Variants in RBMS3 observed in about 807,000 individuals in gnomAD.
RBMS3 encodes RNA-binding motif, single-stranded-interacting protein 3.
RBMS3 carries 27 observed loss-of-function variants against 66.8 expected under a neutral mutation model. That is an observed-to-expected ratio of 0.40 (90% CI 0.30 to 0.56). The LOEUF (loss-of-function observed/expected upper bound fraction) is 0.56, where lower values mean the gene tolerates loss of function less well. Among genes scored for constraint, RBMS3 ranks in the 20% least tolerant of loss-of-function variants. The pLI is 0.40. For missense variants in RBMS3, 513 were observed against 549.5 expected, an observed-to-expected ratio of 0.93 and a Z score of 0.66; for synonymous variants, 188 against 183.0, an observed-to-expected ratio of 1.03 and a Z score of -0.22.
chr3:29,521,975 G>T lies in RBMS3; in HGVS notation c.307+33476G>T, dbSNP rs150193333. On this transcript the variant is annotated intron_variant, in intron 3 of 14. Transcript: ENST00000383767. ...TTATTTAATTTGGTTTGGCCATGCA[G>T]TCAGTTTGGAATGTTCTTTATCTTC... Among the ~76,000 whole-genome samples the T allele has an allele frequency of 7.2e-3, 1,091 of 152,324 alleles. 9 individuals are homozygous for T. Among genetic ancestry groups the T allele is most frequent in the South Asian group, 0.036 (172 of 4,826 alleles).
At chr3:29,928,481 T>G (rs1281681883) in intron 10 of RBMS3, among the ~76,000 whole-genome samples, 1 of 151,956 alleles carries the variant, frequency 6.6e-6, no homozygotes, top group African/African-American at 2.4e-5. Flanking sequence ...TGTTTTTGAT[T>G]CCTTTAAATA....
intron 1 of RBMS3, among the ~76,000 whole-genome samples, chr3:29,343,710 A>G (rs1000554015): frequency 2.6e-5 from 4 of 152,208 alleles, no homozygotes; most frequent in Non-Finnish European, 5.9e-5. Flanking sequence ...ATTGTCCACT[A>G]GAAAACAGTT....
chr3:29,828,253 C>T (rs1576927598), intron 6 of RBMS3, among the ~76,000 whole-genome samples: 1 of 152,170 alleles, frequency 6.6e-6, no homozygotes, highest in Non-Finnish European at 1.5e-5. Context: ...AGACTCCTCT[C>T]TCCGTCTGGT....
chr3:29,498,012 G>GTTTTT (rs1457527325), intron 3 of RBMS3, among the ~76,000 whole-genome samples: 1 of 83,686 alleles, frequency 1.2e-5, no homozygotes, highest in African/African-American at 4.7e-5. Flanking sequence ...TTTTTTTTTG[G>GTTTTT]GAGACAGAGT....
At chr3:29,527,501 G>A (rs181138485) in intron 3 of RBMS3, among the ~76,000 whole-genome samples, 1 of 152,296 alleles carries the variant, frequency 6.6e-6, no homozygotes, top group Non-Finnish European at 1.5e-5. Flanking sequence ...GGCTCAGTAT[G>A]TATGAGGCAT....
chr3:29,464,827 G>A (rs1181059728), intron 2 of RBMS3, among the ~76,000 whole-genome samples: 1 of 152,162 alleles, frequency 6.6e-6, no homozygotes, highest in Non-Finnish European at 1.5e-5. Context: ...ATCCATGACT[G>A]CCTTTGTTCC....
chr3:29,702,393 G>A (rs532324405), intron 4 of RBMS3, among the ~76,000 whole-genome samples: 1 of 152,248 alleles, frequency 6.6e-6, no homozygotes, highest in East Asian at 1.9e-4. Context: ...AGACCAATCA[G>A]GTCTCTGTAA....
intron 12 of RBMS3, among the ~76,000 whole-genome samples, chr3:29,967,134 T>A (rs1371721230): frequency 2.6e-5 from 4 of 152,180 alleles, no homozygotes; most frequent in Non-Finnish European, 5.9e-5. Context: ...TCATCAAGGA[T>A]ATCAGTCTGT....
At chr3:29,450,995 T>G (rs2042000463) in intron 2 of RBMS3, among the ~76,000 whole-genome samples, 1 of 151,998 alleles carries the variant, frequency 6.6e-6, no homozygotes, top group African/African-American at 2.4e-5. Flanking sequence ...GAGCTGTAAT[T>G]TCCTCAAAGG....
chr3:29,501,853 C>T (rs902784921), intron 3 of RBMS3, among the ~76,000 whole-genome samples: 9 of 152,040 alleles, frequency 5.9e-5, no homozygotes, highest in African/African-American at 1.9e-4. Flanking sequence ...CCAGGAGAGA[C>T]GCCCTACTTA....
At chr3:29,486,574 AG>A (rs2043328671) in intron 2 of RBMS3, among the ~76,000 whole-genome samples, 1 of 152,192 alleles carries the variant, frequency 6.6e-6, no homozygotes, top group South Asian at 2.1e-4. Flanking sequence ...TTTATAAAAA[AG>A]TTACTTGTCA....
chr3:29,938,494 G>A (rs116460120), intron 11 of RBMS3, among the ~76,000 whole-genome samples: 1,999 of 151,998 alleles, frequency 0.013, 46 homozygotes, highest in African/African-American at 0.044. Flanking sequence ...TTTAGAAGAG[G>A]TAGAGAGAAA....
intron 4 of RBMS3, 115 bp downstream of exon 4, chr3:29,587,320 T>C (rs1042059955): frequency 1.1e-4 from 57 of 540,648 alleles, no homozygotes; most frequent in African/African-American, 4.6e-4. Context: ...GAAGGAGAGA[T>C]TAAATATTTC....
chr3:29,987,525 T>TAA (rs1368012784), intron 12 of RBMS3, among the ~76,000 whole-genome samples: 2 of 152,188 alleles, frequency 1.3e-5, no homozygotes, highest in African/African-American at 4.8e-5. Context: ...AAGGAAATTT[T>TAA]AACACTGATA....
intron 4 of RBMS3, among the ~76,000 whole-genome samples, chr3:29,603,436 A>G (rs7641762): frequency 0.15 from 22,239 of 151,936 alleles, 1,881 homozygotes; most frequent in East Asian, 0.32. Context: ...ATCTTTTAGA[A>G]CACTGGTTCT....
At position 29,378,095 on chromosome 3, in the gene RBMS3, C is replaced by T. The variant is rs140021500; in HGVS notation, c.76-56648C>T. On this transcript the variant is annotated intron_variant, in intron 1 of 14. Coordinates refer to ENST00000383767, the MANE Select transcript of RBMS3 (RefSeq NM_001003793.3). ...TTTCTCTCTAATTTGCCTCTGTCTG[C>T]CTCTAACTAGCTTAGAGATCTTGGA... Among the ~76,000 whole-genome samples, 869 of 152,246 alleles carry T rather than the reference C, an allele frequency of 5.7e-3. 10 individuals are homozygous for T. The highest frequency in any genetic ancestry group is 0.02 in the African/African-American group (823 of 41,526).
At chr3:29,809,815 T>C (rs1040856793) in intron 6 of RBMS3, among the ~76,000 whole-genome samples, 24 of 151,994 alleles carry the variant, frequency 1.6e-4, no homozygotes, top group African/African-American at 5.8e-4. Flanking sequence ...TGCTTTCTAA[T>C]GTATGAAGAA....
chr3:29,491,229 T>C (rs2043530939), intron 3 of RBMS3, among the ~76,000 whole-genome samples: 1 of 152,180 alleles, frequency 6.6e-6, no homozygotes, highest in South Asian at 2.1e-4. Flanking sequence ...ATCCTTATCC[T>C]TACATCAGCT....
chr3:29,624,357 G>A (rs1374360605), intron 4 of RBMS3, among the ~76,000 whole-genome samples: 1 of 152,154 alleles, frequency 6.6e-6, no homozygotes, highest in Non-Finnish European at 1.5e-5. Context: ...TTTTTTTAAA[G>A]CTTTGTTGCT....
Sources: gnomAD v4.1 joint callset for allele counts (sites outside exome capture counted in the v4.1 genomes callset) on GRCh38, gnomAD v4.1.1 for gene constraint, MANE v1.5 for transcripts, NCBI Gene and HGNC (gene_info 2026-07-23, HGNC 2026-07-21) for gene names.